The following SNTG1 variants were observed in gnomAD, a reference collection of about 807,000 sequenced individuals.
SNTG1 encodes the protein gamma-1-syntrophin.
In SNTG1, 39 loss-of-function variants were observed where a neutral mutation model predicts 74.7. That is an observed-to-expected ratio of 0.52 (90% CI 0.40 to 0.68). The LOEUF (loss-of-function observed/expected upper bound fraction) is 0.68, where lower values mean the gene tolerates loss of function less well. Among genes scored for constraint, SNTG1 ranks in the 30% least tolerant of loss-of-function variants. SNTG1 has a pLI of 0.00. For missense variants in SNTG1, 685 were observed against 609.5 expected (o/e 1.12, Z -1.30); for synonymous variants, 254 against 217.1 (o/e 1.17, Z -1.49).
chr8:50,026,989 A>ATT (rs1817321274), intron 1 of SNTG1, among the ~76,000 whole-genome samples: 1 of 152,142 alleles, frequency 6.6e-6, no homozygotes, highest in Non-Finnish European at 1.5e-5. Flanking sequence ...GGCAAAGCCC[A>ATT]TGTCACTCAT....
At chr8:50,586,888 A>G (rs191970961) in intron 12 of SNTG1, among the ~76,000 whole-genome samples, 27 of 152,180 alleles carry the variant, frequency 1.8e-4, no homozygotes, top group Non-Finnish European at 3.4e-4. Context: ...TTTTCTAATG[A>G]TAAAAGTTAT....
At chr8:50,626,457 CAG>C (rs1373244059) in intron 13 of SNTG1, among the ~76,000 whole-genome samples, 1 of 152,154 alleles carries the variant, frequency 6.6e-6, no homozygotes, top group East Asian at 1.9e-4. Context: ...AGTGGGAAAT[CAG>C]GGGACTCACA....
chr8:50,785,452 C>T lies in SNTG1; in HGVS notation c.1396-7219C>T, dbSNP rs2095671993. Among the ~76,000 whole-genome samples, 3 of 152,004 alleles carry T rather than the reference C, an allele frequency of 2.0e-5. No individual in the cohort carries two copies. The South Asian group carries it at 6.2e-4, about 31-fold the overall frequency. On this transcript the variant is annotated intron_variant, in intron 18 of 18. Transcript: ENST00000642720. ...GTGTAAACTCTGAGAACAACACCAA[C>T]TAATGAAACTGACTCAAAGATAAAT...
At chr8:49,960,632 C>T (rs571418476) in intron 1 of SNTG1, among the ~76,000 whole-genome samples, 1 of 152,100 alleles carries the variant, frequency 6.6e-6, no homozygotes, top group East Asian at 1.9e-4. Flanking sequence ...GTAATACACA[C>T]ATATATGCAG....
chr8:50,109,988 C>A (rs1163960774), intron 1 of SNTG1, among the ~76,000 whole-genome samples: 4 of 152,100 alleles, frequency 2.6e-5, no homozygotes, highest in African/African-American at 9.7e-5. Flanking sequence ...TCTGCCCAGG[C>A]TTGTGGAATT....
At chr8:50,014,715 A>T (rs1816147939) in intron 1 of SNTG1, among the ~76,000 whole-genome samples, 1 of 152,130 alleles carries the variant, frequency 6.6e-6, no homozygotes, top group African/African-American at 2.4e-5. Context: ...TCTAAACAAT[A>T]GTTATACACT....
At chr8:50,401,430 A>C (rs2092804281) in intron 3 of SNTG1, among the ~76,000 whole-genome samples, 1 of 152,210 alleles carries the variant, frequency 6.6e-6, no homozygotes. Flanking sequence ...AGAAATCTTT[A>C]CAGTCTGTTT....
At chr8:50,190,963 T>G (rs982590649) in intron 2 of SNTG1, among the ~76,000 whole-genome samples, 3 of 152,172 alleles carry the variant, frequency 2.0e-5, no homozygotes, top group Non-Finnish European at 2.9e-5. Flanking sequence ...AGCTTGCCTT[T>G]CATTGCCATA....
intron 13 of SNTG1, among the ~76,000 whole-genome samples, chr8:50,625,875 G>A (rs1168321499): frequency 6.6e-6 from 1 of 152,192 alleles, no homozygotes; most frequent in Admixed American, 6.5e-5. Context: ...AGTTGGAATA[G>A]AGATAAGAGT....
intron 9 of SNTG1, among the ~76,000 whole-genome samples, chr8:50,503,729 G>T (rs1057191983): frequency 6.6e-6 from 1 of 151,908 alleles, no homozygotes; most frequent in East Asian, 1.9e-4. Flanking sequence ...TGTTTATTTT[G>T]CTGTTTATTA....
At chr8:50,588,119 CA>C (rs201985462) in intron 12 of SNTG1, among the ~76,000 whole-genome samples, 170 of 117,112 alleles carry the variant, frequency 1.5e-3, no homozygotes, top group Middle Eastern at 4.4e-3. Context: ...GACTCCGACT[CA>C]AAAAAAAAAA....
chr8:50,743,556 A>C (rs7846699), intron 17 of SNTG1, among the ~76,000 whole-genome samples: 1 of 151,648 alleles, frequency 6.6e-6, no homozygotes, highest in Admixed American at 6.6e-5. Flanking sequence ...AAAGACTGAA[A>C]GTTTTCTCCT....
rs189903405 is a variant in SNTG1, at chr8:50,489,096, G to A, written c.364-13682G>A. Among the ~76,000 whole-genome samples the A allele has an allele frequency of 1.5e-3, 224 of 152,138 alleles. 1 individual carries two copies. The highest frequency in any genetic ancestry group is 5.2e-3 in the African/African-American group (216 of 41,496). On this transcript the variant is annotated intron_variant, in intron 8 of 18. Coordinates refer to ENST00000642720, the MANE Select transcript of SNTG1 (RefSeq NM_018967.5). ...TCCAGCTTCATCCATGTCCCCACAA[G>A]GGATATGAACTCATCCTTTTTTATG...
At chr8:50,627,834 C>A (rs938661147) in intron 13 of SNTG1, among the ~76,000 whole-genome samples, 1 of 152,196 alleles carries the variant, frequency 6.6e-6, no homozygotes, top group Non-Finnish European at 1.5e-5. Context: ...GTGCTACCCT[C>A]CAGGAACACG....
At chr8:50,454,620 T>A (rs1167898503) in intron 8 of SNTG1, among the ~76,000 whole-genome samples, 2 of 152,014 alleles carry the variant, frequency 1.3e-5, no homozygotes, top group Non-Finnish European at 2.9e-5. Context: ...GGAGGGCAGA[T>A]CACTTGAGGC....
intron 8 of SNTG1, among the ~76,000 whole-genome samples, chr8:50,468,511 C>T (rs1001787093): frequency 6.6e-6 from 1 of 152,000 alleles, no homozygotes; most frequent in African/African-American, 2.4e-5. Flanking sequence ...ATCTCTTTAC[C>T]TTAAACCTAT....
At chr8:50,226,222 C>G (rs182655236) in intron 2 of SNTG1, among the ~76,000 whole-genome samples, 1 of 152,222 alleles carries the variant, frequency 6.6e-6, no homozygotes, top group Non-Finnish European at 1.5e-5. Context: ...GGGGAGTCAT[C>G]CCCTACAAAC....
intron 1 of SNTG1, among the ~76,000 whole-genome samples, chr8:50,087,023 C>T (rs1197128956): frequency 1.3e-5 from 2 of 152,172 alleles, no homozygotes; most frequent in African/African-American, 4.8e-5. Context: ...TTGTTTCACA[C>T]AGAAGTCAGC....
intron 13 of SNTG1, 33 bp downstream of exon 13, chr8:50,590,950 A>T: frequency 3.4e-6 from 5 of 1,457,638 alleles, no homozygotes; most frequent in Non-Finnish European, 4.6e-6. Context: ...AAGCTAAATA[A>T]TATATTTCTT....
Sources: allele counts gnomAD v4.1 joint callset (sites outside exome capture counted in the v4.1 genomes callset), GRCh38; gene constraint gnomAD v4.1.1; transcripts MANE v1.5; gene names NCBI Gene and HGNC (gene_info 2026-07-23, HGNC 2026-07-21).